The following CNOT4 variants were observed in gnomAD, a reference collection of about 807,000 sequenced individuals.
The protein encoded by CNOT4 is CCR4-associated factor 4.
Under a neutral mutation model 73.8 loss-of-function variants are expected in CNOT4, and 8 were observed. That is an observed-to-expected ratio of 0.11 (90% CI 0.06 to 0.20). The LOEUF (loss-of-function observed/expected upper bound fraction) is 0.20, where lower values mean the gene tolerates loss of function less well. CNOT4 is among the 10% of genes least tolerant of loss of function. CNOT4 has a pLI of 1.00. For missense variants in CNOT4, 564 were observed against 883.4 expected (o/e 0.64, Z 4.58); for synonymous variants, 293 against 321.1 (o/e 0.91, Z 0.94).
At chr7:135,405,648 T>A (rs1797237805) in intron 7 of CNOT4, among the ~76,000 whole-genome samples, 1 of 152,170 alleles carries the variant, frequency 6.6e-6, no homozygotes, top group African/African-American at 2.4e-5. Flanking sequence ...CTCGAATTCA[T>A]AATAATGAAG....
At chr7:135,412,240 C>T (rs1465447263) in intron 6 of CNOT4, among the ~76,000 whole-genome samples, 1 of 151,796 alleles carries the variant, frequency 6.6e-6, no homozygotes, top group Admixed American at 6.6e-5. Context: ...AGGGGCAGTT[C>T]ATAAAGACAG....
intron 2 of CNOT4, among the ~76,000 whole-genome samples, chr7:135,430,155 C>T (rs1004157657): frequency 7.2e-5 from 11 of 152,176 alleles, no homozygotes. Flanking sequence ...GATGAGGAAA[C>T]ATTTCCCAAC....
At chr7:135,422,412 GTAAT>G (rs1798241625) in intron 2 of CNOT4, 59 bp from the exon 3 acceptor site, 1 of 787,426 alleles carries the variant, frequency 1.3e-6, no homozygotes, top group South Asian at 1.5e-5. Context: ...AACTGCGTAA[GTAAT>G]TATCTGATTC....
intron 10 of CNOT4, among the ~76,000 whole-genome samples, chr7:135,390,414 T>G (rs568708088): frequency 6.6e-6 from 1 of 152,080 alleles, no homozygotes; most frequent in Non-Finnish European, 1.5e-5. Context: ...GTAAATCACT[T>G]TGTAGAAAGA....
chr7:135,505,999 C>A (rs923546271), intron 1 of CNOT4, among the ~76,000 whole-genome samples: 11 of 152,136 alleles, frequency 7.2e-5, no homozygotes, highest in Non-Finnish European at 1.6e-4. Flanking sequence ...TCTTTCCTTG[C>A]ATCACAAAAA....
chr7:135,440,780 G>A (rs1971075), intron 1 of CNOT4, among the ~76,000 whole-genome samples: 25,226 of 152,034 alleles, frequency 0.17, 2,519 homozygotes, highest in Non-Finnish European at 0.22. Flanking sequence ...TTAGCTGGGC[G>A]TGGTGGCACA....
intron 1 of CNOT4, among the ~76,000 whole-genome samples, chr7:135,470,411 G>T (rs1323960090): frequency 6.6e-6 from 1 of 152,096 alleles, no homozygotes; most frequent in Non-Finnish European, 1.5e-5. Context: ...ATTTACAGAT[G>T]TAAGCTACCA....
At chr7:135,392,229 C>T (rs553081940) in intron 10 of CNOT4, among the ~76,000 whole-genome samples, 1 of 152,008 alleles carries the variant, frequency 6.6e-6, no homozygotes, top group African/African-American at 2.4e-5. Flanking sequence ...CATATAGTTA[C>T]CACTTTCACA....
At chr7:135,395,218 T>C (rs1796610998) in intron 9 of CNOT4, among the ~76,000 whole-genome samples, 1 of 151,884 alleles carries the variant, frequency 6.6e-6, no homozygotes, top group Admixed American at 6.6e-5. Context: ...ACCCTGTCTC[T>C]ACAAAAAATT....
chr7:135,470,144 G>C (rs962499133), intron 1 of CNOT4, among the ~76,000 whole-genome samples: 1 of 149,952 alleles, frequency 6.7e-6, no homozygotes, highest in African/African-American at 2.5e-5. Flanking sequence ...TTTGGGGGGG[G>C]AGGCCAGGGT....
At chr7:135,380,954 T>C (rs1795813739) in intron 10 of CNOT4, among the ~76,000 whole-genome samples, 1 of 152,212 alleles carries the variant, frequency 6.6e-6, no homozygotes, top group Non-Finnish European at 1.5e-5. Context: ...GACTGTGTCA[T>C]AGATGGGTAT....
chr7:135,475,865 C>A (rs866008135), intron 1 of CNOT4, among the ~76,000 whole-genome samples: 1 of 152,218 alleles, frequency 6.6e-6, no homozygotes, highest in South Asian at 2.1e-4. Context: ...GAGCTATGTT[C>A]ACGCCACTGC....
At chr7:135,509,275 G>A (rs1007201357) in intron 1 of CNOT4, 4 of 152,328 alleles carry the variant, frequency 2.6e-5, no homozygotes, top group Non-Finnish European at 5.9e-5. Flanking sequence ...CAGATGTGGT[G>A]GAAGGAAAGA....
intron 1 of CNOT4, among the ~76,000 whole-genome samples, chr7:135,439,030 T>C (rs1799321762): frequency 6.6e-6 from 1 of 152,152 alleles, no homozygotes. Context: ...ATGGTAATAC[T>C]ACAAAAAGCC....
At chr7:135,440,221 TAA>T (rs71174523) in intron 1 of CNOT4, among the ~76,000 whole-genome samples, 28 of 107,424 alleles carry the variant, frequency 2.6e-4, no homozygotes, top group Admixed American at 3.8e-4. Context: ...ACAGACAAGT[TAA>T]AAAAAAAAAA....
intron 1 of CNOT4, among the ~76,000 whole-genome samples, chr7:135,446,549 T>C (rs1198712466): frequency 6.6e-6 from 1 of 152,208 alleles, no homozygotes; most frequent in East Asian, 1.9e-4. Flanking sequence ...CTTTAATTTT[T>C]TGCCAATCTA....
At chr7:135,395,252 G>GT (rs773229151) in intron 9 of CNOT4, among the ~76,000 whole-genome samples, 2 of 151,880 alleles carry the variant, frequency 1.3e-5, no homozygotes, top group African/African-American at 2.4e-5. Context: ...GGAGGCTGAG[G>GT]TGGGAGGATC....
At chr7:135,460,948 T>C (rs928384269) in intron 1 of CNOT4, among the ~76,000 whole-genome samples, 3 of 152,248 alleles carry the variant, frequency 2.0e-5, no homozygotes, top group African/African-American at 7.2e-5. Flanking sequence ...CATAGGCACA[T>C]ACAATCTCTG....
intron 2 of CNOT4, among the ~76,000 whole-genome samples, chr7:135,432,924 A>G (rs960360999): frequency 6.6e-6 from 1 of 152,122 alleles, no homozygotes; most frequent in Admixed American, 6.5e-5. Context: ...GCGATCTGCT[A>G]TTTTCCTCTG....
Sources: gnomAD v4.1 joint callset for allele counts (sites outside exome capture counted in the v4.1 genomes callset) on GRCh38, gnomAD v4.1.1 for gene constraint, MANE v1.5 for transcripts, NCBI Gene and HGNC (gene_info 2026-07-23, HGNC 2026-07-21) for gene names.